Variants in RTTN observed in about 807,000 individuals in gnomAD.
RTTN encodes rotatin.
In RTTN, 182 loss-of-function variants were observed where a neutral mutation model predicts 269.2. That is an observed-to-expected ratio of 0.68 (90% confidence interval 0.60 to 0.76). The LOEUF is 0.76. RTTN is among the 30% of genes least tolerant of loss of function. The pLI, the probability that RTTN is intolerant of heterozygous loss-of-function variation, is 0.00. For synonymous variants in RTTN, 1,006 were observed against 963.5 expected, an observed-to-expected ratio of 1.04 and a Z score of -0.82; for missense variants, 2,545 against 2,608.6, an observed-to-expected ratio of 0.98 and a Z score of 0.53.
At chr18:70,059,029 G>A (rs2144885470) in intron 36 of RTTN, among the ~76,000 whole-genome samples, 1 of 152,314 alleles carries the variant, frequency 6.6e-6, no homozygotes, top group East Asian at 1.9e-4. Context: ...GGGACAGAGA[G>A]ACAGAGAAAT....
chr18:70,033,672 G>A (rs1272696463), intron 40 of RTTN, among the ~76,000 whole-genome samples: 1 of 151,980 alleles, frequency 6.6e-6, no homozygotes, highest in African/African-American at 2.4e-5. Context: ...AACTAGAGAA[G>A]AAAGAGCAAA....
chr18:70,200,699 A>C (rs1172237589), intron 4 of RTTN, among the ~76,000 whole-genome samples: 1 of 152,222 alleles, frequency 6.6e-6, no homozygotes, highest in East Asian at 1.9e-4. Flanking sequence ...CAGCAGATAT[A>C]CTCTTGAACA....
chr18:70,134,240 T>C lies in RTTN; in HGVS notation c.2954+233A>G, dbSNP rs76263777. On this transcript the variant is annotated intron_variant, in intron 23 of 48. Transcript: ENST00000640769. The stretch of plus-strand genomic sequence containing the variant: ...CTCTAGGCTGAACGACATACAAGTA[T>C]GCACCGTATAGCTTTCAACTTTCCT... Among the ~76,000 whole-genome samples, 2,950 of 152,164 alleles carry C rather than the reference T, an allele frequency of 0.019. 95 individuals carry two copies. The highest frequency in any genetic ancestry group is 0.066 in the African/African-American group (2,732 of 41,524).
intron 10 of RTTN, among the ~76,000 whole-genome samples, chr18:70,187,684 C>T (rs1256954502): frequency 6.6e-6 from 1 of 152,160 alleles, no homozygotes; most frequent in Non-Finnish European, 1.5e-5. Flanking sequence ...TGTTCTGAAA[C>T]TATCTTATGT....
intron 35 of RTTN, among the ~76,000 whole-genome samples, chr18:70,060,888 A>G (rs1430390778): frequency 6.6e-6 from 1 of 151,930 alleles, no homozygotes; most frequent in African/African-American, 2.4e-5. Flanking sequence ...CATTTAACAC[A>G]ATGGCCTCCA....
At position 70,109,627 on chromosome 18, in the gene RTTN, A is replaced by G. The variant is rs763761237; in HGVS notation, c.3774T>C (p.Tyr1258=). The part of the protein sequence containing the change: ...CLKVTDAPHF[Y]GLPSLERTLR... ...AGGTCCGCTCAAGGGACGGCAGGCC[A>G]TAGAAATGAGGCGCATCCGTCACTT... Residue 1258 remains tyrosine (Y), a synonymous_variant, in exon 28 of 49, where the codon TAT becomes TAC. Coordinates refer to ENST00000640769, the MANE Select transcript of RTTN (RefSeq NM_173630.4). 4 of 1,614,186 alleles carry G rather than the reference A, an allele frequency of 2.5e-6. No individual in the cohort carries two copies. The highest frequency in any genetic ancestry group is 3.4e-6 in the Non-Finnish European group (4 of 1,180,024).
In RTTN at chr18:70,030,919, T is replaced by C. The variant is rs779808615; in HGVS notation, c.5604A>G (p.Ser1868=). The C allele has an allele frequency of 4.3e-6, 7 of 1,613,780 alleles. No individual in the cohort carries two copies. Among genetic ancestry groups the C allele is most frequent in the East Asian group, 2.2e-5 (1 of 44,850 alleles). Residue 1868 remains serine, a synonymous_variant, in exon 41 of 49, where the codon TCA becomes TCG. Coordinates refer to ENST00000640769, the MANE Select transcript of RTTN (RefSeq NM_173630.4). ...GTGCTCTTCTACTGACAGCCAGCAG[T>C]GACATCAATGCATTTGCAGCTACTC... The part of the protein sequence containing the change: ...LKRVAANALM[S]LLAVSRRAQK...
chr18:70,056,898 G>C (rs1441586534), intron 37 of RTTN, among the ~76,000 whole-genome samples: 1 of 152,216 alleles, frequency 6.6e-6, no homozygotes, highest in Non-Finnish European at 1.5e-5. Flanking sequence ...CTTGAGGGAA[G>C]GGTCTTTGTT....
At chr18:70,191,485 T>C (rs946250897) in intron 8 of RTTN, among the ~76,000 whole-genome samples, 2 of 152,202 alleles carry the variant, frequency 1.3e-5, no homozygotes, top group East Asian at 1.9e-4. Context: ...AAAAACCTCA[T>C]GGGAAATGTA....
intron 39 of RTTN, among the ~76,000 whole-genome samples, chr18:70,050,751 GA>G (rs1430687643): frequency 6.6e-6 from 1 of 152,158 alleles, no homozygotes; most frequent in Non-Finnish European, 1.5e-5. Context: ...CATAAAAAAA[GA>G]ATGAGTTCAT....
chr18:70,023,874 C>T (rs2056776775), intron 44 of RTTN, among the ~76,000 whole-genome samples: 1 of 152,134 alleles, frequency 6.6e-6, no homozygotes, highest in African/African-American at 2.4e-5. Flanking sequence ...CCTCCGCTTC[C>T]TGGGTTCAAG....
chr18:70,029,372 C>A (rs997225307), intron 42 of RTTN, among the ~76,000 whole-genome samples: 1 of 151,942 alleles, frequency 6.6e-6, no homozygotes, highest in Non-Finnish European at 1.5e-5. Context: ...AAGTGGGTGG[C>A]AGATCTTGTT....
chr18:70,008,918 C>T (rs1170203126), intron 46 of RTTN: 4 of 152,074 alleles, frequency 2.6e-5, no homozygotes, highest in African/African-American at 9.7e-5. Flanking sequence ...GAGAACACCA[C>T]AAAGATACTC....
At position 70,128,540 on chromosome 18, in the gene RTTN, A is replaced by G; in HGVS notation, c.2961T>C (p.His987=). The part of the protein sequence containing the change: ...SLPVSVFRRY[H]LPVHVIGHHA... ...GGTGTCCAATTACATGAACAGGTAG[A>G]TGGTACCTAAAGAAAATGTGTACAA... Residue 987 remains histidine (H), a synonymous_variant, in exon 24 of 49, where the codon CAT becomes CAC. Transcript: ENST00000640769. The G allele has an allele frequency of 1.2e-6, 2 of 1,611,468 alleles. No individual in the cohort carries two copies. Among genetic ancestry groups the G allele is most frequent in the Non-Finnish European group, 1.7e-6 (2 of 1,178,460 alleles).
chr18:70,105,212 C>T (rs931494174), intron 28 of RTTN, among the ~76,000 whole-genome samples: 1 of 152,234 alleles, frequency 6.6e-6, no homozygotes, highest in Non-Finnish European at 1.5e-5. Flanking sequence ...CACCCCTCCC[C>T]CAGCCTCGCT....
intron 18 of RTTN, 75 bp from the exon 19 acceptor site, chr18:70,142,462 G>T: frequency 1.2e-6 from 1 of 847,514 alleles, no homozygotes; most frequent in Non-Finnish European, 1.9e-6. Flanking sequence ...TTTATAGTTT[G>T]TGCCCTATGA....
intron 28 of RTTN, among the ~76,000 whole-genome samples, chr18:70,096,148 A>G (rs1178267835): frequency 2.0e-5 from 3 of 151,916 alleles, no homozygotes; most frequent in Non-Finnish European, 2.9e-5. Context: ...CAGCTCCATC[A>G]GGTCATTTAT....
chr18:70,049,945 ATGTAT>A (rs1288677008), intron 39 of RTTN, among the ~76,000 whole-genome samples: 1 of 152,202 alleles, frequency 6.6e-6, no homozygotes, highest in Non-Finnish European at 1.5e-5. Context: ...ATATATGAAG[ATGTAT>A]CCACATACAA....
chr18:70,176,065 G>A (rs2061284804), intron 11 of RTTN, among the ~76,000 whole-genome samples: 1 of 152,026 alleles, frequency 6.6e-6, no homozygotes, highest in Non-Finnish European at 1.5e-5. Context: ...AATTATATAT[G>A]TATATATGTA....
Sources: gnomAD v4.1 joint callset for allele counts (sites outside exome capture counted in the v4.1 genomes callset) on GRCh38, gnomAD v4.1.1 for gene constraint, MANE v1.5 for transcripts, NCBI Gene and HGNC (gene_info 2026-07-23, HGNC 2026-07-21) for gene names.